DIAPH2: variants seen among roughly 807,000 people sequenced by gnomAD.
The protein encoded by DIAPH2 is diaphanous related formin 2.
In DIAPH2, 35 loss-of-function variants were observed where a neutral mutation model predicts 92.7. The observed-to-expected ratio is 0.38, with a 90% confidence interval of 0.29 to 0.50. DIAPH2 has a LOEUF of 0.50. DIAPH2 is among the 20% of genes least tolerant of loss of function. DIAPH2 has a pLI of 0.94. For synonymous variants in DIAPH2, 301 were observed against 280.4 expected, an observed-to-expected ratio of 1.07 and a Z score of -0.73; for missense variants, 701 against 819.5, an observed-to-expected ratio of 0.86 and a Z score of 1.77.
chrX:96,843,194 C>T (rs765267587), intron 4 of DIAPH2, among the ~76,000 whole-genome samples: 16 of 111,163 alleles, frequency 1.4e-4, no homozygotes, highest in Admixed American at 1.9e-4. Flanking sequence ...TAGCACTCTC[C>T]GTGCCTTACT....
intron 23 of DIAPH2, among the ~76,000 whole-genome samples, chrX:97,280,330 T>G (rs2068486780): frequency 1.8e-5 from 2 of 109,536 alleles, no homozygotes; most frequent in African/African-American, 6.6e-5. Flanking sequence ...AAAAAAAAAT[T>G]AGCCCACCGT....
intron 26 of DIAPH2, among the ~76,000 whole-genome samples, chrX:97,578,330 C>A (rs1403227720): frequency 1.9e-5 from 2 of 107,049 alleles, no homozygotes; most frequent in Admixed American, 2.0e-4. Context: ...CTCCCCCCAC[C>A]CCACAACAGT....
intron 4 of DIAPH2, among the ~76,000 whole-genome samples, chrX:96,782,358 C>T (rs775360030): frequency 6.9e-4 from 76 of 110,730 alleles, no homozygotes; most frequent in African/African-American, 2.4e-3. Context: ...TGCAGTGGCG[C>T]GATCTCGGCT....
chrX:97,305,070 G>A (rs2068734605), intron 23 of DIAPH2, among the ~76,000 whole-genome samples: 2 of 111,719 alleles, frequency 1.8e-5, no homozygotes, highest in Middle Eastern at 4.2e-3. Context: ...CACCATAGTC[G>A]AAGAGTCATG....
Position 97,321,550 on chromosome X carries a change from T to A in DIAPH2, c.2845-26566T>A, listed in dbSNP as rs1268698269. ...TTTTTGTTGTTGTGTTGTTATTTTTTTTTTTTTTTTTTTTTTTGAGATGGA... is the reference window on the plus strand; with the variant it reads ...TTTTTGTTGTTGTGTTGTTATTTTTATTTTTTTTTTTTTTTTTGAGATGGA... On this transcript the variant is annotated intron_variant, in intron 23 of 26. Transcript: ENST00000324765. Among the ~76,000 whole-genome samples, 246 of 85,877 alleles carry A rather than the reference T, an allele frequency of 2.9e-3. 1 individual carries two copies. Among genetic ancestry groups the A allele is most frequent in the Middle Eastern group, 0.023 (4 of 174 alleles). The allele number at this position is 85,877 out of a possible 115,157, so 74.6% of individuals were successfully genotyped here. A position where few individuals can be genotyped will look rare whatever the true frequency, so the allele number is the denominator to read the frequency against.
intron 19 of DIAPH2, among the ~76,000 whole-genome samples, chrX:97,092,431 A>G (rs1195290743): frequency 4.5e-5 from 5 of 112,182 alleles, no homozygotes; most frequent in Non-Finnish European, 9.4e-5. Context: ...TAGTGTATTT[A>G]AAGTTCTGCA....
At chrX:96,981,389 C>A (rs1273768597) in intron 17 of DIAPH2, among the ~76,000 whole-genome samples, 1 of 110,924 alleles carries the variant, frequency 9.0e-6, no homozygotes, top group African/African-American at 3.3e-5. Context: ...TTTTTAATTT[C>A]TTTTTGTCTG....
At chrX:96,874,030 T>C (rs1016348980) in intron 4 of DIAPH2, among the ~76,000 whole-genome samples, 2 of 111,880 alleles carry the variant, frequency 1.8e-5, no homozygotes, top group Admixed American at 9.5e-5. Flanking sequence ...AAATGATAGT[T>C]AAGGTATTTT....
At chrX:96,951,250 C>G (rs749724118) in intron 15 of DIAPH2, among the ~76,000 whole-genome samples, 3 of 111,732 alleles carry the variant, frequency 2.7e-5, no homozygotes, top group Admixed American at 1.9e-4. Context: ...CCCTCCTTTG[C>G]TCATCTGTGT....
chrX:97,369,661 C>T (rs1305482274), intron 24 of DIAPH2, among the ~76,000 whole-genome samples: 1 of 110,789 alleles, frequency 9.0e-6, no homozygotes, highest in East Asian at 2.8e-4. Flanking sequence ...AAAGGTGCTA[C>T]CCCATAATTA....
intron 10 of DIAPH2, among the ~76,000 whole-genome samples, chrX:96,931,903 C>A (rs1037305219): frequency 9.0e-5 from 10 of 111,372 alleles, no homozygotes; most frequent in African/African-American, 3.3e-4. Context: ...GCAGTTCTTT[C>A]ATTCTTGACA....
At chrX:97,101,929 G>A (rs376082337) in intron 20 of DIAPH2, among the ~76,000 whole-genome samples, 19 of 112,425 alleles carry the variant, frequency 1.7e-4, no homozygotes, top group East Asian at 1.4e-3. Flanking sequence ...TGTGAGGACA[G>A]TTTTGGAAAT....
chrX:97,477,612 ATCT>A (rs1317916747), intron 26 of DIAPH2, among the ~76,000 whole-genome samples: 7 of 50,136 alleles, frequency 1.4e-4, no homozygotes, highest in African/African-American at 1.9e-4. Flanking sequence ...CTAAAAAAAA[ATCT>A]ATCTATCTAT....
chrX:96,888,507 G>A (rs2065280382), intron 5 of DIAPH2, among the ~76,000 whole-genome samples: 2 of 100,661 alleles, frequency 2.0e-5, no homozygotes, highest in Non-Finnish European at 4.0e-5. Context: ...CTCTATATAT[G>A]TACACACAGA....
intron 25 of DIAPH2, among the ~76,000 whole-genome samples, chrX:97,404,284 CT>C (rs2069787314): frequency 9.0e-6 from 1 of 111,336 alleles, no homozygotes; most frequent in South Asian, 3.8e-4. Context: ...TGTCTTATTC[CT>C]TTACTTCAGT....
chrX:96,988,504 A>G (rs1269863066), intron 17 of DIAPH2, among the ~76,000 whole-genome samples: 1 of 110,387 alleles, frequency 9.1e-6, no homozygotes, highest in Admixed American at 9.7e-5. Context: ...TCCAATAAGT[A>G]TCTTATTGTA....
chrX:97,349,611 C>T (rs766531908), intron 24 of DIAPH2, among the ~76,000 whole-genome samples: 1 of 111,185 alleles, frequency 9.0e-6, no homozygotes, highest in African/African-American at 3.3e-5. Context: ...AGAGCATACC[C>T]GAACAGTTAA....
chrX:96,830,702 A>T (rs372708388), intron 4 of DIAPH2, among the ~76,000 whole-genome samples: 3 of 110,933 alleles, frequency 2.7e-5, no homozygotes, highest in East Asian at 5.6e-4. Flanking sequence ...AAAGGATTTA[A>T]CTTCAAACAG....
intron 22 of DIAPH2, among the ~76,000 whole-genome samples, chrX:97,215,435 C>T (rs2067875394): frequency 8.9e-6 from 1 of 111,937 alleles, no homozygotes. Context: ...ATTTCTAGTT[C>T]TAACCATCGG....
Sources: gnomAD v4.1 joint callset for allele counts (sites outside exome capture counted in the v4.1 genomes callset) on GRCh38, gnomAD v4.1.1 for gene constraint, MANE v1.5 for transcripts, NCBI Gene and HGNC (gene_info 2026-07-23, HGNC 2026-07-21) for gene names.